RAPGEF5: variants seen among roughly 807,000 people sequenced by gnomAD.
RAPGEF5 encodes the protein M-Ras-regulated GEF.
A neutral mutation model predicts 125.2 loss-of-function variants in RAPGEF5; 65 were observed. The observed-to-expected ratio is 0.52, with a 90% confidence interval of 0.43 to 0.64. The LOEUF is 0.64. RAPGEF5 is among the 30% of genes least tolerant of loss of function. The pLI is 0.00. For synonymous variants in RAPGEF5, 391 were observed against 385.9 expected (o/e 1.01, Z -0.16); for missense variants, 958 against 1,048.1 (o/e 0.91, Z 1.19).
intron 1 of RAPGEF5, among the ~76,000 whole-genome samples, chr7:22,354,046 G>A (rs1784378096): frequency 6.6e-6 from 1 of 151,926 alleles, no homozygotes; most frequent in Admixed American, 6.6e-5. Context: ...CTCCAGCCTA[G>A]GTGGCAGAGC....
At chr7:22,139,741 GCAT>G in intron 21 of RAPGEF5, 1 of 301,996 alleles carries the variant, frequency 3.3e-6, no homozygotes. Context: ...TTCTGAGCAC[GCAT>G]CATCATGCGG....
chr7:22,339,296 T>G (rs1361779309), intron 1 of RAPGEF5, among the ~76,000 whole-genome samples: 2 of 152,196 alleles, frequency 1.3e-5, no homozygotes, highest in African/African-American at 4.8e-5. Context: ...TCACTCTGCC[T>G]TATGCCTCTC....
chr7:22,295,644 A>G (rs1358715721), intron 5 of RAPGEF5, among the ~76,000 whole-genome samples: 1 of 152,206 alleles, frequency 6.6e-6, no homozygotes, highest in Non-Finnish European at 1.5e-5. Flanking sequence ...GACTAGGACT[A>G]GCTGATTTCA....
At chr7:22,125,042 A>G (rs918948045) in intron 25 of RAPGEF5, among the ~76,000 whole-genome samples, 8 of 152,210 alleles carry the variant, frequency 5.3e-5, no homozygotes, top group Non-Finnish European at 1.2e-4. Context: ...TGAGATTTAA[A>G]AAGGAACAAA....
intron 1 of RAPGEF5, among the ~76,000 whole-genome samples, chr7:22,350,156 CA>C (rs11327888): frequency 0.2 from 30,317 of 150,632 alleles, 3,141 homozygotes; most frequent in Admixed American, 0.24. Context: ...AGTATTGAGG[CA>C]AAAAAAAATC....
Position 22,122,351 on chromosome 7 carries a change from A to C in RAPGEF5, c.*55T>G. ...CACAGGAAAGCAACGTGCTTGGCATAGACATTCCCGTAGCTCAAAGTGCTG... is the reference window on the plus strand; with the variant it reads ...CACAGGAAAGCAACGTGCTTGGCATCGACATTCCCGTAGCTCAAAGTGCTG... On this transcript the variant is annotated 3_prime_UTR_variant, in exon 26 of 26. Coordinates refer to ENST00000665637, the MANE Select transcript of RAPGEF5 (RefSeq NM_012294.5). 2.1e-6 allele frequency: 3 copies of C among 1,395,842 alleles called. No individual in the cohort carries two copies. The highest frequency in any genetic ancestry group is 3.0e-6 in the Non-Finnish European group (3 of 987,980). 86.5% of individuals were successfully genotyped at this position (1,395,842 alleles called of 1,614,324 possible).
chr7:22,342,756 T>C (rs1260782926), intron 1 of RAPGEF5, among the ~76,000 whole-genome samples: 2 of 152,160 alleles, frequency 1.3e-5, no homozygotes, highest in African/African-American at 4.8e-5. Flanking sequence ...TCACCTTTGC[T>C]CCAGTTCCCA....
chr7:22,226,800 G>T lies in RAPGEF5; in HGVS notation c.870+4046C>A, dbSNP rs1785929992. Among the ~76,000 whole-genome samples, 10 of 152,186 alleles carry T rather than the reference G, an allele frequency of 6.6e-5. No homozygotes were observed. The South Asian group carries it at 2.1e-3, about 32-fold the overall frequency. The stretch of plus-strand genomic sequence containing the variant: ...AGTTTCTCTGGTCCTACTCCTTTGT[G>T]GAATTCCTTGTGTTAAAACATCACC... On this transcript the variant is annotated intron_variant, in intron 8 of 25. Transcript: ENST00000665637.
chr7:22,232,428 G>A (rs1436757872), intron 7 of RAPGEF5, among the ~76,000 whole-genome samples: 1 of 151,160 alleles, frequency 6.6e-6, no homozygotes, highest in Non-Finnish European at 1.5e-5. Context: ...CGATTCTCCT[G>A]CCTCACTTAG....
intron 11 of RAPGEF5, among the ~76,000 whole-genome samples, chr7:22,173,258 A>T (rs1339970472): frequency 6.6e-6 from 1 of 152,232 alleles, no homozygotes; most frequent in Non-Finnish European, 1.5e-5. Flanking sequence ...GGAATAATAG[A>T]TTAAAGTGCT....
At chr7:22,181,953 CAG>C (rs1348104767) in intron 11 of RAPGEF5, among the ~76,000 whole-genome samples, 7 of 152,142 alleles carry the variant, frequency 4.6e-5, no homozygotes, top group South Asian at 4.1e-4. Flanking sequence ...GTGGGCTTGT[CAG>C]AGCAATTCTA....
At chr7:22,217,050 T>G (rs1785655093) in intron 9 of RAPGEF5, among the ~76,000 whole-genome samples, 1 of 152,246 alleles carries the variant, frequency 6.6e-6, no homozygotes, top group Non-Finnish European at 1.5e-5. Flanking sequence ...GGCATCTATG[T>G]GGCATTCTAG....
chr7:22,300,961 G>A (rs1783184109), intron 5 of RAPGEF5, among the ~76,000 whole-genome samples: 1 of 152,212 alleles, frequency 6.6e-6, no homozygotes, highest in South Asian at 2.1e-4. Flanking sequence ...TGCCACCACT[G>A]ATCTCCCTGT....
In RAPGEF5 at chr7:22,147,886, C is replaced by T. The variant is rs138203481; in HGVS notation, c.1885-867G>A. ...TAGGATAAAGGGAATATTCCAGGTG[C>T]CAAATATTAATCAACATTTCTAAAC... On this transcript the variant is annotated intron_variant, in intron 18 of 25. Coordinates refer to ENST00000665637, the MANE Select transcript of RAPGEF5 (RefSeq NM_012294.5). 1.1e-3 allele frequency among the ~76,000 whole-genome samples: 175 copies of T among 152,178 alleles called. 1 individual carries two copies. The highest frequency in any genetic ancestry group is 4.0e-3 in the African/African-American group (167 of 41,514).
At chr7:22,248,348 T>C (rs927429283) in intron 7 of RAPGEF5, among the ~76,000 whole-genome samples, 2 of 152,168 alleles carry the variant, frequency 1.3e-5, no homozygotes, top group Non-Finnish European at 2.9e-5. Flanking sequence ...AACTTGGATT[T>C]AGGTGCAAAT....
intron 25 of RAPGEF5, among the ~76,000 whole-genome samples, chr7:22,124,365 T>A (rs890145155): frequency 3.9e-5 from 6 of 152,244 alleles, no homozygotes; most frequent in Non-Finnish European, 5.9e-5. Context: ...CTATTTTTAT[T>A]GTAACTGCAT....
rs533450952 is a variant in RAPGEF5 at position 22,124,170 on chromosome 7, T to C, written c.2536+1434A>G. On this transcript the variant is annotated intron_variant, in intron 25 of 25. Coordinates refer to ENST00000665637, the MANE Select transcript of RAPGEF5 (RefSeq NM_012294.5). ...CACACAAGTTAGTATAACTATCACC[T>C]TCCTGTCTATACTTGGAGCATATAT... Among the ~76,000 whole-genome samples, 4 of 152,348 alleles carry C rather than the reference T, an allele frequency of 2.6e-5. No homozygotes were observed. In the East Asian group the frequency reaches 7.7e-4, roughly 29 times the overall value.
chr7:22,216,075 T>C (rs1006713524), intron 9 of RAPGEF5, among the ~76,000 whole-genome samples: 1 of 152,254 alleles, frequency 6.6e-6, no homozygotes, highest in Non-Finnish European at 1.5e-5. Flanking sequence ...CTGTCAATTT[T>C]ACTGTGTAAA....
At chr7:22,262,729 C>A (rs1038116318) in intron 7 of RAPGEF5, among the ~76,000 whole-genome samples, 1 of 128,750 alleles carries the variant, frequency 7.8e-6, no homozygotes, top group Non-Finnish European at 1.6e-5. Context: ...TACATTCATG[C>A]CACGGAACAC....
Sources: gnomAD v4.1 joint callset for allele counts (sites outside exome capture counted in the v4.1 genomes callset) on GRCh38, gnomAD v4.1.1 for gene constraint, MANE v1.5 for transcripts, NCBI Gene and HGNC (gene_info 2026-07-23, HGNC 2026-07-21) for gene names.